The following GPC6 variants were observed in gnomAD, a reference collection of about 807,000 sequenced individuals.
GPC6 encodes glypican 6, also known as glypican-6.
Under a neutral mutation model 55.2 loss-of-function variants are expected in GPC6, and 14 were observed. That is an observed-to-expected ratio of 0.25 (90% CI 0.17 to 0.40). The LOEUF is 0.40. Among genes scored for constraint, GPC6 ranks in the 10% least tolerant of loss-of-function variants. The pLI is 1.00. For missense variants in GPC6, 641 were observed against 708.5 expected, an observed-to-expected ratio of 0.90 and a Z score of 1.08; for synonymous variants, 278 against 259.6, an observed-to-expected ratio of 1.07 and a Z score of -0.68.
At chr13:94,299,325 G>A (rs1875516296) in intron 5 of GPC6, among the ~76,000 whole-genome samples, 1 of 152,196 alleles carries the variant, frequency 6.6e-6, no homozygotes, top group Non-Finnish European at 1.5e-5. Context: ...GAATTGGGGA[G>A]AACATTGTAA....
intron 5 of GPC6, among the ~76,000 whole-genome samples, chr13:94,290,006 C>T (rs1392880830): frequency 4.6e-5 from 7 of 152,080 alleles, no homozygotes; most frequent in Non-Finnish European, 1.0e-4. Context: ...TTGCCTTTCC[C>T]CACTATGTTG....
At chr13:94,391,022 TCTA>T (rs1227815221) in intron 7 of GPC6, among the ~76,000 whole-genome samples, 1 of 152,106 alleles carries the variant, frequency 6.6e-6, no homozygotes, top group Admixed American at 6.5e-5. Context: ...TAACTGCAGG[TCTA>T]CTAAGAAAGA....
chr13:94,119,716 C>G (rs1886558431), intron 4 of GPC6, among the ~76,000 whole-genome samples: 1 of 152,116 alleles, frequency 6.6e-6, no homozygotes, highest in Non-Finnish European at 1.5e-5. Flanking sequence ...AGCCAGATCT[C>G]AGAGTGCCTT....
rs1402683538 is a variant in GPC6, at chr13:93,818,000, CAT to C, written c.320-12152_320-12151del. 8.9e-5 allele frequency among the ~76,000 whole-genome samples: 13 copies of C among 146,632 alleles called. No homozygotes were observed. The East Asian group carries it at 2.2e-3, about 24-fold the overall frequency. Reference sequence around the variant, plus strand: ...TATATAAGTATATATAAAATAAAAACATAAATTATATACTTATATATTATAGA... The same window carrying C: ...TATATAAGTATATATAAAATAAAAACAAATTATATACTTATATATTATAGA... On this transcript the variant is annotated intron_variant, in intron 2 of 8. Transcript: ENST00000377047.
intron 4 of GPC6, among the ~76,000 whole-genome samples, chr13:94,097,806 A>G (rs1167336448): frequency 3.3e-5 from 5 of 152,194 alleles, no homozygotes; most frequent in Non-Finnish European, 7.3e-5. Context: ...AATTTGCACT[A>G]AATTCTCTTG....
chr13:93,339,832 G>T (rs7332108), intron 1 of GPC6, among the ~76,000 whole-genome samples: 44,294 of 151,794 alleles, frequency 0.29, 7,489 homozygotes, highest in East Asian at 0.54. Flanking sequence ...AACTTATGAA[G>T]TTGGGAGTTT....
At chr13:93,767,973 A>T (rs568204484) in intron 2 of GPC6, among the ~76,000 whole-genome samples, 2 of 152,240 alleles carry the variant, frequency 1.3e-5, no homozygotes, top group African/African-American at 4.8e-5. Context: ...TACAAGCACT[A>T]TGGAAATAAG....
chr13:93,530,607 G>C (rs1881830047), intron 1 of GPC6, among the ~76,000 whole-genome samples: 2 of 152,142 alleles, frequency 1.3e-5, no homozygotes, highest in Non-Finnish European at 2.9e-5. Context: ...ATATTGGTTT[G>C]TGAGAACCGA....
chr13:93,952,878 A>G (rs966838593), intron 3 of GPC6, among the ~76,000 whole-genome samples: 15 of 134,176 alleles, frequency 1.1e-4, no homozygotes, highest in Non-Finnish European at 1.3e-4. Context: ...ATATATACAT[A>G]TATATATGTG....
chr13:93,801,001 G>A (rs908857070), intron 2 of GPC6, among the ~76,000 whole-genome samples: 1 of 152,182 alleles, frequency 6.6e-6, no homozygotes, highest in African/African-American at 2.4e-5. Context: ...TCTGCTTCAA[G>A]TCAGAGCCTA....
At chr13:93,218,229 G>A in the GPC6 span, among the ~76,000 whole-genome samples, 2 of 151,464 alleles carry the variant, frequency 1.3e-5, no homozygotes, top group Non-Finnish European at 2.9e-5. Context: ...TAATATAGAA[G>A]CAAGTTTTAA....
chr13:93,790,540 G>C (rs1037306832), intron 2 of GPC6, among the ~76,000 whole-genome samples: 1 of 152,088 alleles, frequency 6.6e-6, no homozygotes, highest in Non-Finnish European at 1.5e-5. Context: ...TCTCTTTTGA[G>C]TTAGGAATAA....
chr13:93,826,547 T>C lies in GPC6; in HGVS notation c.320-3607T>C, dbSNP rs3814274. On this transcript the variant is annotated intron_variant, in intron 2 of 8. Coordinates refer to ENST00000377047, the MANE Select transcript of GPC6 (RefSeq NM_005708.5). Reference sequence around the variant, plus strand: ...GAAAAAAAATAGGAAAAGGATGTTATATAGTACTTAATCCAATCCTGTACC... The same window carrying C: ...GAAAAAAAATAGGAAAAGGATGTTACATAGTACTTAATCCAATCCTGTACC... Among the ~76,000 whole-genome samples the C allele has an allele frequency of 1.7e-3, 262 of 152,344 alleles. 6 individuals are homozygous for C. In the East Asian group the frequency reaches 0.05, roughly 29 times the overall value.
rs565040431 is a variant in GPC6, at chr13:93,881,326, A to T, written c.711+50781A>T. 2.8e-3 allele frequency among the ~76,000 whole-genome samples: 421 copies of T among 152,206 alleles called. 2 individuals carry two copies. Among genetic ancestry groups the T allele is most frequent in the South Asian group, 5.4e-3 (26 of 4,816 alleles). ...GTTTGCAATTAATAGTGGACAAAAG[A>T]ATTGTGGTGAAAAAGACTTGCAGAC... On this transcript the variant is annotated intron_variant, in intron 3 of 8. Coordinates refer to ENST00000377047, the MANE Select transcript of GPC6 (RefSeq NM_005708.5).
chr13:94,269,695 G>A (rs1891931715), intron 4 of GPC6, among the ~76,000 whole-genome samples: 1 of 152,080 alleles, frequency 6.6e-6, no homozygotes, highest in Non-Finnish European at 1.5e-5. Context: ...CCCAACCTGA[G>A]CCTGAGTCTG....
intron 2 of GPC6, among the ~76,000 whole-genome samples, chr13:93,703,940 T>A (rs1344831646): frequency 2.6e-5 from 4 of 152,032 alleles, no homozygotes; most frequent in Non-Finnish European, 5.9e-5. Flanking sequence ...GCTGGCTTTG[T>A]AATGATGATA....
chr13:94,301,787 A>G (rs901255725), intron 5 of GPC6, among the ~76,000 whole-genome samples: 1 of 152,200 alleles, frequency 6.6e-6, no homozygotes, highest in Admixed American at 6.5e-5. Context: ...TTTAAGTACC[A>G]TCTTTAAGCT....
At chr13:93,406,776 A>G (rs1486359959) in intron 1 of GPC6, among the ~76,000 whole-genome samples, 1 of 152,144 alleles carries the variant, frequency 6.6e-6, no homozygotes, top group African/African-American at 2.4e-5. Flanking sequence ...CCCATGTACC[A>G]TTCTTGCCAA....
At chr13:94,247,129 A>T (rs535878985) in intron 4 of GPC6, among the ~76,000 whole-genome samples, 39 of 152,142 alleles carry the variant, frequency 2.6e-4, no homozygotes, top group Middle Eastern at 6.8e-3. Flanking sequence ...GGGATTTTTT[A>T]AAAAATTTAC....
Sources: gnomAD v4.1 joint callset for allele counts (sites outside exome capture counted in the v4.1 genomes callset) on GRCh38, gnomAD v4.1.1 for gene constraint, MANE v1.5 for transcripts, NCBI Gene and HGNC (gene_info 2026-07-23, HGNC 2026-07-21) for gene names.